Variants in CTBP2 observed in about 807,000 individuals in gnomAD.
The protein encoded by CTBP2 is C-terminal binding protein 2, also known as C-terminal-binding protein 2.
In CTBP2, 30 loss-of-function variants were observed where a neutral mutation model predicts 80.3. That is an observed-to-expected ratio of 0.37 (90% CI 0.28 to 0.51). The LOEUF (loss-of-function observed/expected upper bound fraction) is 0.51. Among genes scored for constraint, CTBP2 ranks in the 20% least tolerant of loss-of-function variants. CTBP2 has a pLI of 0.93. For synonymous variants in CTBP2, 594 were observed against 587.4 expected, an observed-to-expected ratio of 1.01 and a Z score of -0.16; for missense variants, 1,212 against 1,375.3, an observed-to-expected ratio of 0.88 and a Z score of 1.88.
chr10:125,132,583 G>A (rs1480201758), intron 1 of CTBP2, among the ~76,000 whole-genome samples: 4 of 152,100 alleles, frequency 2.6e-5, no homozygotes, highest in Non-Finnish European at 4.4e-5. Flanking sequence ...CCCTGCAGCT[G>A]TCTCCCAGCA....
At chr10:125,098,417 G>A (rs1849885849) in intron 2 of CTBP2, among the ~76,000 whole-genome samples, 1 of 152,060 alleles carries the variant, frequency 6.6e-6, no homozygotes, top group African/African-American at 2.4e-5. Flanking sequence ...GAGAATACAC[G>A]GTACCCAGCT....
At chr10:125,147,970 T>C (rs1859102674) in intron 1 of CTBP2, among the ~76,000 whole-genome samples, 1 of 152,122 alleles carries the variant, frequency 6.6e-6, no homozygotes, top group Non-Finnish European at 1.5e-5. Flanking sequence ...AAACACTACT[T>C]CATTGAATCC....
At chr10:125,098,609 C>G (rs572118263) in intron 2 of CTBP2, among the ~76,000 whole-genome samples, 1 of 145,268 alleles carries the variant, frequency 6.9e-6, no homozygotes, top group African/African-American at 2.5e-5. Flanking sequence ...GTGCCAATGA[C>G]GCAGCCTGGG....
At chr10:124,994,403 T>C in intron 5 of CTBP2, 66 bp downstream of exon 7, 9 of 1,516,114 alleles carry the variant, frequency 5.9e-6, no homozygotes, top group Non-Finnish European at 8.2e-6. Context: ...CGTGTCCCTC[T>C]TGTGCCCACA....
intron 1 of CTBP2, chr10:125,159,954 GTTTC>G (rs1266085290): frequency 2.0e-5 from 3 of 146,720 alleles, no homozygotes; most frequent in African/African-American, 2.6e-5. Flanking sequence ...CGCGCTCGGG[GTTTC>G]TTTTTTTTTT....
intron 1 of CTBP2, among the ~76,000 whole-genome samples, chr10:125,021,622 G>C (rs982276699): frequency 1.3e-5 from 2 of 152,204 alleles, no homozygotes; most frequent in Non-Finnish European, 2.9e-5. Context: ...GTTCTGCCAT[G>C]AAGGCGGAGG....
In CTBP2 at chr10:125,027,002, A is replaced by AGGGCCC; in HGVS notation, c.752_757dup (p.Ala252_Leu253insArgAla). 1 of 1,613,940 alleles carries AGGGCCC rather than the reference A, an allele frequency of 6.2e-7. No homozygotes were observed. The highest frequency in any genetic ancestry group is 1.1e-5 in the South Asian group (1 of 91,086). On this transcript the variant is annotated inframe_insertion, in exon 1 of 9. Transcript: ENST00000309035. ...CCGGGCAGGCCCGTAGCCACGATTC[A>AGGGCCC]GGGCCCCTGGGGCCACCCCTGTGCT...
intron 1 of CTBP2, among the ~76,000 whole-genome samples, chr10:125,010,409 T>C (rs1249822951): frequency 6.6e-6 from 1 of 152,122 alleles, no homozygotes; most frequent in Non-Finnish European, 1.5e-5. Flanking sequence ...GTCTCAGTAA[T>C]GTATAGGTAG....
intron 2 of CTBP2, among the ~76,000 whole-genome samples, chr10:125,101,253 T>C (rs145564091): frequency 6.6e-6 from 1 of 152,252 alleles, no homozygotes; most frequent in South Asian, 2.1e-4. Flanking sequence ...CCTCTCCCAG[T>C]GTGGCTCTCG....
chr10:125,091,171 T>C (rs374661330), intron 2 of CTBP2, among the ~76,000 whole-genome samples: 10 of 152,230 alleles, frequency 6.6e-5, no homozygotes, highest in African/African-American at 2.4e-4. Context: ...CCAAAGGCAG[T>C]AAGAGGGAAA....
chr10:125,010,716 G>C (rs1448850426), intron 1 of CTBP2, among the ~76,000 whole-genome samples: 2 of 152,168 alleles, frequency 1.3e-5, no homozygotes, highest in Non-Finnish European at 2.9e-5. Context: ...CCAGGCACTG[G>C]AAGACAGCAT....
intron 2 of CTBP2, among the ~76,000 whole-genome samples, chr10:125,085,937 C>A (rs916784747): frequency 6.6e-6 from 1 of 152,236 alleles, no homozygotes; most frequent in African/African-American, 2.4e-5. Context: ...AGGGCCACAA[C>A]CGCACTGGCT....
chr10:125,053,877 G>A (rs1418487568), intron 2 of CTBP2, among the ~76,000 whole-genome samples: 2 of 152,174 alleles, frequency 1.3e-5, no homozygotes, highest in East Asian at 1.9e-4. Context: ...AGAAACCAGG[G>A]ACCCGGCAGA....
chr10:125,056,714 C>T (rs1043045971), intron 2 of CTBP2, among the ~76,000 whole-genome samples: 3 of 152,244 alleles, frequency 2.0e-5, no homozygotes, highest in Admixed American at 6.5e-5. Flanking sequence ...ACAGTCTGCA[C>T]TCTTAGTCGA....
At position 124,993,369 on chromosome 10, in the gene CTBP2, C is replaced by T. The variant is rs78223095; in HGVS notation, c.2532-40G>A. On this transcript the variant is annotated intron_variant, in intron 6 of 8. Transcript: ENST00000309035. ...AAAAAACAGAGTAAGCGGGAAATGT[C>T]GCATACGCTCCCTGCCCTCCTCAGC... The T allele has an allele frequency of 3.9e-3, 6,201 of 1,585,558 alleles. 199 individuals are homozygous for T. The African/African-American group carries it at 0.072, about 18-fold the overall frequency.
upstream of CTBP2, among the ~76,000 whole-genome samples, chr10:125,161,488 C>G (rs907727574): frequency 6.6e-6 from 1 of 151,926 alleles, no homozygotes; most frequent in Non-Finnish European, 1.5e-5. Flanking sequence ...TCCCGGCCCC[C>G]GGGCTCCAAC....
chr10:125,141,998 G>T (rs1436361852), intron 1 of CTBP2, among the ~76,000 whole-genome samples: 1 of 152,168 alleles, frequency 6.6e-6, no homozygotes, highest in Non-Finnish European at 1.5e-5. Flanking sequence ...TTTCCAAGAG[G>T]GGCTGGTGGG....
chr10:125,058,067 C>A (rs1423292482), intron 2 of CTBP2, among the ~76,000 whole-genome samples: 4 of 151,996 alleles, frequency 2.6e-5, no homozygotes, highest in South Asian at 2.1e-4. Flanking sequence ...GGAGGCCTCT[C>A]GGAGTTAGTA....
In CTBP2 at chr10:125,072,292, G is replaced by A. The variant is rs116087892; in HGVS notation, c.-101-33137C>T. Among the ~76,000 whole-genome samples, 1,278 of 151,632 alleles carry A rather than the reference G, an allele frequency of 8.4e-3. 19 individuals carry two copies. The highest frequency in any genetic ancestry group is 0.029 in the African/African-American group (1,210 of 41,296). ...TCTCAAAAAAGAAAAAGGAATCCAC[G>A]TACAGCTCCTATCTGTCCTGCAAGA... On this transcript the variant is annotated intron_variant, in intron 2 of 10. Transcript: ENST00000337195.
Sources: allele counts gnomAD v4.1 joint callset (sites outside exome capture counted in the v4.1 genomes callset), GRCh38; gene constraint gnomAD v4.1.1; transcripts MANE v1.5; gene names NCBI Gene and HGNC (gene_info 2026-07-23, HGNC 2026-07-21).